SMARCA2: variants seen among roughly 807,000 people sequenced by gnomAD.
The protein encoded by SMARCA2 is SWI/SNF related BAF chromatin remodeling complex subunit ATPase 2.
A neutral mutation model predicts 199.8 loss-of-function variants in SMARCA2; 61 were observed. That is an observed-to-expected ratio of 0.31 (90% CI 0.25 to 0.38). SMARCA2 has a LOEUF of 0.38. Among genes scored for constraint, SMARCA2 ranks in the 10% least tolerant of loss-of-function variants. SMARCA2 has a pLI of 1.00. For synonymous variants in SMARCA2, 935 were observed against 732.0 expected, an observed-to-expected ratio of 1.28 and a Z score of -4.48; for missense variants, 1,344 against 2,012.2, an observed-to-expected ratio of 0.67 and a Z score of 6.35.
In SMARCA2 at chr9:2,123,047, C is replaced by A. The variant is rs62534949; in HGVS notation, c.3763-672C>A. On this transcript the variant is annotated intron_variant, in intron 26 of 33. Transcript: ENST00000349721. The surrounding 1 kb of genome is among the most constrained non-coding windows in gnomAD (Gnocchi z 4.1). ...TGGGATGCGATTACCTCTGAGCTCT[C>A]TCTGTCTGTGGTATAATATATTCAT... Among the ~76,000 whole-genome samples, 703 of 152,292 alleles carry A rather than the reference C, an allele frequency of 4.6e-3. 3 individuals are homozygous for A. The highest frequency in any genetic ancestry group is 0.014 in the Middle Eastern group (4 of 294).
chr9:2,160,416 T>G (rs1825606062), intron 27 of SMARCA2: 1 of 549,376 alleles, frequency 1.8e-6, no homozygotes, highest in African/African-American at 1.9e-5. Flanking sequence ...AAAACATATT[T>G]TTTTAAAAAT....
chr9:2,078,597 C>T (rs1046012030), intron 14 of SMARCA2, among the ~76,000 whole-genome samples: 2 of 152,126 alleles, frequency 1.3e-5, no homozygotes, highest in Admixed American at 6.5e-5. Context: ...CACTTAGTGA[C>T]GTTTCCCAAA....
Position 2,026,557 on chromosome 9 carries a change from G to A in SMARCA2, c.-36-2430G>A, listed in dbSNP as rs896380785. Among the ~76,000 whole-genome samples, 3 of 152,154 alleles carry A rather than the reference G, an allele frequency of 2.0e-5. No homozygotes were observed. In the East Asian group the frequency reaches 5.8e-4, roughly 29 times the overall value. On this transcript the variant is annotated intron_variant, in intron 1 of 33. Coordinates refer to ENST00000349721, the MANE Select transcript of SMARCA2 (RefSeq NM_003070.5). ...GGGCTAATGTATATTAGAATTTCAT[G>A]TTTAATATACATCAATTATATTAAA...
At position 2,123,512 on chromosome 9, in the gene SMARCA2, G is replaced by A. The variant is rs990668255; in HGVS notation, c.3763-207G>A. 2.6e-5 allele frequency among the ~76,000 whole-genome samples: 4 copies of A among 152,150 alleles called. No homozygotes were observed. Among genetic ancestry groups the A allele is most frequent in the Non-Finnish European group, 5.9e-5 (4 of 68,024 alleles). Reference sequence around the variant, plus strand: ...TAAATGTATGAATAAGTTTCAAAAGGTGGGTACAGAAAAAGGGAGGGGATT... The same window carrying A: ...TAAATGTATGAATAAGTTTCAAAAGATGGGTACAGAAAAAGGGAGGGGATT... On this transcript the variant is annotated intron_variant, in intron 26 of 33. Transcript: ENST00000349721. This position sits in a 1 kb window ranked among gnomAD's most constrained non-coding sequence, Gnocchi z 4.1.
At chr9:2,174,615 C>T (rs956946693) in intron 29 of SMARCA2, among the ~76,000 whole-genome samples, 2 of 152,036 alleles carry the variant, frequency 1.3e-5, no homozygotes, top group African/African-American at 4.8e-5. Flanking sequence ...AAGCATTTTA[C>T]CATTAAGAAA....
chr9:2,173,127 G>T (rs1826347355), intron 29 of SMARCA2, among the ~76,000 whole-genome samples: 1 of 152,182 alleles, frequency 6.6e-6, no homozygotes, highest in Non-Finnish European at 1.5e-5. Flanking sequence ...TCAGTGAACA[G>T]CGGTGCCATT....
At chr9:2,107,282 A>G (rs971611508) in intron 23 of SMARCA2, among the ~76,000 whole-genome samples, 8 of 152,128 alleles carry the variant, frequency 5.3e-5, no homozygotes, top group South Asian at 2.1e-4. Context: ...TTTGTTTTTT[A>G]TAATTTGTCA....
intron 27 of SMARCA2, among the ~76,000 whole-genome samples, chr9:2,131,762 A>C (rs528094430): frequency 6.6e-6 from 1 of 152,252 alleles, no homozygotes; most frequent in East Asian, 1.9e-4. Flanking sequence ...CAGCATGGCG[A>C]AACCCCGTCT....
intron 27 of SMARCA2, among the ~76,000 whole-genome samples, chr9:2,147,488 A>G (rs975608290): frequency 1.2e-4 from 19 of 152,236 alleles, no homozygotes; most frequent in African/African-American, 4.6e-4. Context: ...AACTGGCTAG[A>G]ACACATAAAT....
At chr9:2,138,306 C>T (rs1824305921) in intron 27 of SMARCA2, among the ~76,000 whole-genome samples, 1 of 152,094 alleles carries the variant, frequency 6.6e-6, no homozygotes, top group African/African-American at 2.4e-5. Context: ...GATGGCTTCC[C>T]TTCTTTTATG....
At position 2,115,301 on chromosome 9, in the gene SMARCA2, G is replaced by A. The variant is rs1325979299; in HGVS notation, c.3457-521G>A. On this transcript the variant is annotated intron_variant, in intron 24 of 33. Transcript: ENST00000349721. This position sits in a 1 kb window ranked among gnomAD's most constrained non-coding sequence, Gnocchi z 6.0. ...AAGACCGAGTCTTTGATAAGGTTAG[G>A]TTCGAGGAAATTGACTACCTGAGCA... Among the ~76,000 whole-genome samples, 2 of 152,136 alleles carry A rather than the reference G, an allele frequency of 1.3e-5. No individual in the cohort carries two copies. The highest frequency in any genetic ancestry group is 6.5e-5 in the Admixed American group (1 of 15,272).
Position 2,088,583 on chromosome 9 carries a change from G to A in SMARCA2, c.2853G>A (p.Lys951=). Residue 951 remains lysine (K), a synonymous_variant, in exon 19 of 34, where the codon AAG becomes AAA. Transcript: ENST00000349721. ...VLRPFLLRRL[K]KEVESQLPEK... Reference sequence around the variant, plus strand: ...GACCATTTTTACTAAGGAGACTGAAGAAAGAAGTTGAATCCCAGCTTCCCG... The same window carrying A: ...GACCATTTTTACTAAGGAGACTGAAAAAAGAAGTTGAATCCCAGCTTCCCG... The A allele has an allele frequency of 6.3e-7, 1 of 1,593,240 alleles. No homozygotes were observed. Among genetic ancestry groups the A allele is most frequent in the Non-Finnish European group, 8.5e-7 (1 of 1,174,716 alleles).
chr9:2,162,093 G>C (rs1825711840), intron 28 of SMARCA2, among the ~76,000 whole-genome samples, 190 bp downstream of exon 28: 1 of 152,078 alleles, frequency 6.6e-6, no homozygotes, highest in Admixed American at 6.5e-5. Flanking sequence ...TGTTTCATCA[G>C]GTATTATTTA....
At chr9:2,128,139 T>G (rs550184509) in intron 27 of SMARCA2, among the ~76,000 whole-genome samples, 2 of 152,294 alleles carry the variant, frequency 1.3e-5, no homozygotes, top group East Asian at 3.9e-4. Context: ...CCCATCCTCC[T>G]CTCCAAGATG....
At chr9:2,070,987 A>C (rs772250085) in intron 10 of SMARCA2, among the ~76,000 whole-genome samples, 1 of 152,246 alleles carries the variant, frequency 6.6e-6, no homozygotes, top group Non-Finnish European at 1.5e-5. Context: ...TAGTAGTTCC[A>C]GTATTCTCCT....
rs115635159 is a variant in SMARCA2, at chr9:2,026,700, T to A, written c.-36-2287T>A. ...TAAACCATAACAGGAAGTAAGCAAT[T>A]TCCTTTTATTCACTAAAAAATAAAA... On this transcript the variant is annotated intron_variant, in intron 1 of 33. Transcript: ENST00000349721. Among the ~76,000 whole-genome samples the A allele has an allele frequency of 7.6e-3, 1,162 of 152,316 alleles. 29 individuals are homozygous for A. The highest frequency in any genetic ancestry group is 0.027 in the African/African-American group (1,112 of 41,560).
Position 2,052,571 on chromosome 9 carries a change from C to T in SMARCA2, c.1047-2026C>T, listed in dbSNP as rs185963356. Among the ~76,000 whole-genome samples the T allele has an allele frequency of 4.0e-3, 604 of 152,288 alleles. 3 individuals are homozygous for T. Among genetic ancestry groups the T allele is most frequent in the African/African-American group, 0.013 (558 of 41,558 alleles). On this transcript the variant is annotated intron_variant, in intron 5 of 33. Transcript: ENST00000349721. ...TCATTTAATAAATTAGAACGAATAACGTGCGTATAGCAAATAAAACAAGAA... is the reference window on the plus strand; with the variant it reads ...TCATTTAATAAATTAGAACGAATAATGTGCGTATAGCAAATAAAACAAGAA...
In SMARCA2 at chr9:2,047,377, G is replaced by T. The variant is rs1309719484; in HGVS notation, c.939G>T (p.Gly313=). 6.4e-7 allele frequency: 1 copy of T among 1,556,526 alleles called. No individual in the cohort carries two copies. The highest frequency in any genetic ancestry group is 1.9e-5 in the Admixed American group (1 of 52,972). The part of the protein sequence containing the change: ...PGPSVPQPAP[G]QPSPVLQLQQ... ...CCTCAGTGCCGCAGCCGGCCCCGGGGCAGCCCTCGCCCGTCCTCCAGCTGC... is the reference window on the plus strand; with the variant it reads ...CCTCAGTGCCGCAGCCGGCCCCGGGTCAGCCCTCGCCCGTCCTCCAGCTGC... The change falls in exon 5 of 34, where the codon GGG becomes GGT. Residue 313 remains glycine, a synonymous_variant. Coordinates refer to ENST00000349721, the MANE Select transcript of SMARCA2 (RefSeq NM_003070.5).
intron 32 of SMARCA2, among the ~76,000 whole-genome samples, chr9:2,188,496 G>A (rs1438176271): frequency 6.6e-6 from 1 of 151,928 alleles, no homozygotes; most frequent in African/African-American, 2.4e-5. Context: ...TTATTCCTTT[G>A]TTCTAGCATT....
Sources: allele counts gnomAD v4.1 joint callset (sites outside exome capture counted in the v4.1 genomes callset), GRCh38; gene constraint gnomAD v4.1.1; non-coding constraint Gnocchi (gnomAD v3.1); transcripts MANE v1.5; gene names NCBI Gene and HGNC (gene_info 2026-07-23, HGNC 2026-07-21).